Variants in AFF2 observed in about 807,000 individuals in gnomAD.
AFF2 encodes the protein AF4/FMR2 family member 2.
Under a neutral mutation model 76.9 loss-of-function variants are expected in AFF2, and 14 were observed. That is an observed-to-expected ratio of 0.18 (90% CI 0.12 to 0.28). AFF2 has a LOEUF of 0.28. Ranked by LOEUF, AFF2 falls within the 10% of genes least tolerant of loss-of-function variation. AFF2 has a pLI of 1.00. For missense variants in AFF2, 868 were observed against 1,001.1 expected (o/e 0.87, Z 1.79); for synonymous variants, 398 against 366.7 (o/e 1.09, Z -0.98).
At chrX:148,893,205 G>T (rs1458035556) in intron 8 of AFF2, among the ~76,000 whole-genome samples, 5 of 111,693 alleles carry the variant, frequency 4.5e-5, no homozygotes, top group African/African-American at 1.6e-4. Flanking sequence ...TAACATATAA[G>T]GTTAATAGAA....
chrX:148,650,550 T>C (rs2124455124), intron 1 of AFF2, among the ~76,000 whole-genome samples: 1 of 112,206 alleles, frequency 8.9e-6, no homozygotes, highest in South Asian at 3.7e-4. Context: ...ATTATGAAAG[T>C]GTAATGTGCA....
intron 1 of AFF2, among the ~76,000 whole-genome samples, chrX:148,574,164 A>C (rs959874081): frequency 9.0e-6 from 1 of 111,497 alleles, no homozygotes; most frequent in African/African-American, 3.3e-5. Context: ...AATTTTTTTT[A>C]TTGTCTGAGT....
At chrX:148,964,069 T>C (rs73614065) in intron 13 of AFF2, among the ~76,000 whole-genome samples, 2,385 of 111,969 alleles carry the variant, frequency 0.021, 65 homozygotes, top group African/African-American at 0.072. Flanking sequence ...ATTTGGCTTT[T>C]ATCTTTAAAG....
intron 3 of AFF2, among the ~76,000 whole-genome samples, chrX:148,781,795 C>A (rs948335446): frequency 2.7e-5 from 3 of 111,504 alleles, no homozygotes; most frequent in Non-Finnish European, 5.7e-5. Flanking sequence ...GATGGCCACC[C>A]AGTTTTGTGC....
intron 3 of AFF2, among the ~76,000 whole-genome samples, chrX:148,744,100 A>C (rs782203345): frequency 5.8e-4 from 64 of 110,787 alleles, no homozygotes; most frequent in Non-Finnish European, 1.1e-3. Flanking sequence ...TAATGGTGCT[A>C]AGAATCCAAG....
intron 3 of AFF2, among the ~76,000 whole-genome samples, chrX:148,805,751 G>A (rs1394591747): frequency 1.8e-5 from 2 of 112,568 alleles, no homozygotes; most frequent in Non-Finnish European, 3.8e-5. Flanking sequence ...ACATGGGGTG[G>A]CAGCCTGCAC....
chrX:148,868,449 G>C (rs782485619), intron 7 of AFF2, among the ~76,000 whole-genome samples: 4 of 112,029 alleles, frequency 3.6e-5, no homozygotes, highest in African/African-American at 6.5e-5. Context: ...GCTTGAAATA[G>C]GTAGGGATAG....
At chrX:148,857,358 C>G (rs2070798063) in intron 7 of AFF2, among the ~76,000 whole-genome samples, 1 of 111,346 alleles carries the variant, frequency 9.0e-6, no homozygotes, top group Admixed American at 9.5e-5. Context: ...ATTTTTTCTT[C>G]CCTTGCTAAA....
rs578064138 is a variant in AFF2, at chrX:148,818,455, G to A, written c.1086+8535G>A. Among the ~76,000 whole-genome samples the A allele has an allele frequency of 8.6e-4, 96 of 111,935 alleles. 6 individuals are homozygous for A. In the South Asian group the frequency reaches 0.034, roughly 40 times the overall value. On this transcript the variant is annotated intron_variant, in intron 4 of 20. Transcript: ENST00000370460. ...TTCAATAAAAAGGCATACAATTCCT[G>A]AAAAGGAAGACAATGTCACAGACGT...
intron 9 of AFF2, among the ~76,000 whole-genome samples, chrX:148,906,957 T>A (rs73612083): frequency 9.1e-6 from 1 of 110,456 alleles, no homozygotes; most frequent in Middle Eastern, 4.2e-3. Flanking sequence ...CTGAACACTG[T>A]TCGCTGGGTT....
intron 1 of AFF2, among the ~76,000 whole-genome samples, chrX:148,581,052 TATGTGTATATGTATATATACACAC>T (rs1308227247): frequency 1.1e-5 from 1 of 91,011 alleles, no homozygotes; most frequent in Non-Finnish European, 2.3e-5. Context: ...TATATACACA[TATGTGTATATGTATATATACACAC>T]ATATATACAT....
intron 5 of AFF2, among the ~76,000 whole-genome samples, chrX:148,842,465 A>G (rs1453251074): frequency 8.9e-6 from 1 of 112,719 alleles, no homozygotes; most frequent in Non-Finnish European, 1.9e-5. Context: ...ACATCTGTGC[A>G]CATGTGTCAT....
chrX:148,891,673 C>G (rs2071225073), intron 8 of AFF2, among the ~76,000 whole-genome samples: 2 of 111,416 alleles, frequency 1.8e-5, no homozygotes, highest in African/African-American at 6.5e-5. Flanking sequence ...TTCCACAGCC[C>G]TAAACATGTA....
chrX:148,940,112 T>C (rs2071816812), intron 9 of AFF2, among the ~76,000 whole-genome samples: 1 of 111,937 alleles, frequency 8.9e-6, no homozygotes, highest in Non-Finnish European at 1.9e-5. Context: ...GAAACTGCAC[T>C]GGATTTTGAG....
At chrX:148,578,802 C>T (rs1361931674) in intron 1 of AFF2, among the ~76,000 whole-genome samples, 4 of 111,846 alleles carry the variant, frequency 3.6e-5, no homozygotes, top group Non-Finnish European at 7.5e-5. Context: ...ATTGGTTGAA[C>T]GAATTAGTTT....
chrX:148,849,363 T>C lies in AFF2; in HGVS notation c.1262+5930T>C, dbSNP rs868931101. On this transcript the variant is annotated intron_variant, in intron 7 of 20. Coordinates refer to ENST00000370460, the MANE Select transcript of AFF2 (RefSeq NM_002025.4). ...AATGGAAAGCAAATGTCTCTCTCTC[T>C]CCTCCCCCCCCCCCCCCCCCCCCGC... 3.0e-3 allele frequency among the ~76,000 whole-genome samples: 36 copies of C among 11,889 alleles called. 3 individuals carry two copies. The highest frequency in any genetic ancestry group is 0.13 in the Middle Eastern group (2 of 15). 10.3% of individuals were successfully genotyped at this position (11,889 alleles called of 115,157 possible).
rs782597030 is a variant in AFF2, at chrX:148,754,295, T to C, written c.1042-55581T>C. ...ATAAGCAAGCTCTAACAAGCATTAA[T>C]TCAACAGTAAGTACCAATAATTGTG... On this transcript the variant is annotated intron_variant, in intron 3 of 20. Transcript: ENST00000370460. Among the ~76,000 whole-genome samples the C allele has an allele frequency of 3.6e-5, 4 of 111,881 alleles. No homozygotes were observed. The East Asian group carries it at 1.1e-3, about 31-fold the overall frequency.
chrX:148,848,653 C>T (rs1292521831), intron 7 of AFF2, among the ~76,000 whole-genome samples: 1 of 112,352 alleles, frequency 8.9e-6, no homozygotes, highest in East Asian at 2.8e-4. Flanking sequence ...TTTTCTTAAT[C>T]AGATTAATTC....
At chrX:148,917,253 T>C (rs1303866329) in intron 9 of AFF2, among the ~76,000 whole-genome samples, 2 of 112,147 alleles carry the variant, frequency 1.8e-5, no homozygotes, top group Non-Finnish European at 3.8e-5. Context: ...TCATTCCCTC[T>C]ACAAATTGAA....
Sources: gnomAD v4.1 joint callset for allele counts (sites outside exome capture counted in the v4.1 genomes callset) on GRCh38, gnomAD v4.1.1 for gene constraint, MANE v1.5 for transcripts, NCBI Gene and HGNC (gene_info 2026-07-23, HGNC 2026-07-21) for gene names.